Variants in POU6F2 observed in about 807,000 individuals in gnomAD.
POU6F2 encodes POU domain, class 6, transcription factor 2.
In POU6F2, 31 loss-of-function variants were observed where a neutral mutation model predicts 71.3. The ratio of observed to expected loss-of-function variants is 0.43; its 90% CI spans 0.33 to 0.59. The LOEUF (loss-of-function observed/expected upper bound fraction) is 0.59, where lower values mean the gene tolerates loss of function less well. Among genes scored for constraint, POU6F2 ranks in the 20% least tolerant of loss-of-function variants. The probability of loss-of-function intolerance (pLI) is 0.04; values close to 1 mark genes in which losing one functional copy is unlikely to be tolerated. For missense variants in POU6F2, 783 were observed against 856.8 expected, an observed-to-expected ratio of 0.91 and a Z score of 1.07; for synonymous variants, 347 against 355.7, an observed-to-expected ratio of 0.98 and a Z score of 0.27.
chr7:39,126,410 T>G (rs2128728565), intron 2 of POU6F2, among the ~76,000 whole-genome samples: 1 of 152,260 alleles, frequency 6.6e-6, no homozygotes, highest in African/African-American at 2.4e-5. Flanking sequence ...TGTGCCTTGG[T>G]TTGTTCTGGT....
intron 2 of POU6F2, among the ~76,000 whole-genome samples, chr7:39,110,695 T>A (rs1008614011): frequency 1.3e-5 from 2 of 152,210 alleles, no homozygotes; most frequent in Non-Finnish European, 2.9e-5. Context: ...GAAAATACTT[T>A]TACAGTAATC....
At chr7:39,210,907 G>T (rs1049266139) in intron 4 of POU6F2, among the ~76,000 whole-genome samples, 1 of 152,168 alleles carries the variant, frequency 6.6e-6, no homozygotes, top group African/African-American at 2.4e-5. Flanking sequence ...AAAACCATAG[G>T]TAGGGTGGTT....
At chr7:39,377,901 T>C (rs959733993) in intron 5 of POU6F2, among the ~76,000 whole-genome samples, 1 of 152,220 alleles carries the variant, frequency 6.6e-6, no homozygotes, top group Admixed American at 6.5e-5. Flanking sequence ...TAGGTACCTC[T>C]AAGAAGAGCT....
intron 1 of POU6F2, among the ~76,000 whole-genome samples, chr7:39,055,235 A>G (rs1185892478): frequency 2.6e-5 from 4 of 152,176 alleles, no homozygotes; most frequent in African/African-American, 9.6e-5. Flanking sequence ...GACTCTTGAT[A>G]AAGTAATAAA....
chr7:39,116,691 T>C (rs938514268), intron 2 of POU6F2, among the ~76,000 whole-genome samples: 34 of 152,310 alleles, frequency 2.2e-4, no homozygotes, highest in Non-Finnish European at 5.0e-4. Context: ...GGGTGTTTGA[T>C]GTCTTCTAAT....
chr7:39,316,539 A>G (rs527878661), intron 4 of POU6F2, among the ~76,000 whole-genome samples: 25 of 152,114 alleles, frequency 1.6e-4, no homozygotes, highest in Non-Finnish European at 2.8e-4. Flanking sequence ...CACCACCACA[A>G]TGTGGAGTCA....
chr7:39,134,890 A>T (rs1792358685), intron 2 of POU6F2, among the ~76,000 whole-genome samples: 1 of 152,240 alleles, frequency 6.6e-6, no homozygotes, highest in South Asian at 2.1e-4. Context: ...TGGGCAAGAT[A>T]CAGTCAAAGG....
chr7:39,358,715 A>G (rs1786314048), intron 5 of POU6F2, among the ~76,000 whole-genome samples: 1 of 152,178 alleles, frequency 6.6e-6, no homozygotes, highest in African/African-American at 2.4e-5. Flanking sequence ...GAGTAACTGA[A>G]GATGATTGTT....
chr7:39,383,328 G>T (rs1786868711), intron 5 of POU6F2, among the ~76,000 whole-genome samples: 1 of 152,138 alleles, frequency 6.6e-6, no homozygotes, highest in Non-Finnish European at 1.5e-5. Context: ...GATCTGATGT[G>T]ATTCATGCCT....
intron 4 of POU6F2, among the ~76,000 whole-genome samples, chr7:39,277,438 T>G (rs542818394): frequency 2.1e-4 from 32 of 152,250 alleles, no homozygotes; most frequent in African/African-American, 7.0e-4. Context: ...CAGCATCTAT[T>G]GTTCCCATCT....
At chr7:38,993,996 T>A (rs1005525817) in intron 1 of POU6F2, among the ~76,000 whole-genome samples, 1 of 152,204 alleles carries the variant, frequency 6.6e-6, no homozygotes, top group African/African-American at 2.4e-5. Flanking sequence ...TTTGTCCACC[T>A]AGAATTCAAA....
At chr7:39,156,624 AGAT>A (rs1792875567) in intron 2 of POU6F2, among the ~76,000 whole-genome samples, 1 of 152,146 alleles carries the variant, frequency 6.6e-6, no homozygotes, top group African/African-American at 2.4e-5. Context: ...ACTTCCTTCT[AGAT>A]TTTTCGAGTT....
chr7:39,217,172 A>G (rs953961996), intron 4 of POU6F2, among the ~76,000 whole-genome samples: 1 of 152,214 alleles, frequency 6.6e-6, no homozygotes, highest in African/African-American at 2.4e-5. Flanking sequence ...TTCTTTAAAA[A>G]AGCAACTCTC....
intron 2 of POU6F2, among the ~76,000 whole-genome samples, chr7:39,108,539 C>T (rs551412952): frequency 6.6e-6 from 1 of 152,244 alleles, no homozygotes; most frequent in African/African-American, 2.4e-5. Context: ...TGTGCCACAT[C>T]CCCAGAAACT....
intron 2 of POU6F2, among the ~76,000 whole-genome samples, chr7:39,165,194 C>T (rs1375074519): frequency 2.0e-5 from 3 of 152,144 alleles, no homozygotes; most frequent in Non-Finnish European, 4.4e-5. Flanking sequence ...ACTACACTCC[C>T]CCCAGCCCCT....
chr7:39,101,983 T>A (rs1487018633), intron 2 of POU6F2, among the ~76,000 whole-genome samples: 1 of 152,210 alleles, frequency 6.6e-6, no homozygotes, highest in Non-Finnish European at 1.5e-5. Flanking sequence ...TTACACTATC[T>A]TTTGGAAGGA....
intron 5 of POU6F2, among the ~76,000 whole-genome samples, chr7:39,344,417 G>A (rs1785987919): frequency 6.6e-6 from 1 of 152,118 alleles, no homozygotes; most frequent in Non-Finnish European, 1.5e-5. Context: ...TTGCGCAGTG[G>A]GCATTGCCTT....
At chr7:39,245,446 C>T (rs1286860015) in intron 4 of POU6F2, among the ~76,000 whole-genome samples, 2 of 152,178 alleles carry the variant, frequency 1.3e-5, no homozygotes, top group Admixed American at 6.5e-5. Flanking sequence ...TTAGCTGAGC[C>T]ATTGGCCCAA....
At chr7:39,306,461 A>G (rs556167290) in intron 4 of POU6F2, among the ~76,000 whole-genome samples, 18 of 152,304 alleles carry the variant, frequency 1.2e-4, no homozygotes, top group African/African-American at 3.6e-4. Context: ...AGCCAGGGTC[A>G]GATTTAAACA....
Sources: gnomAD v4.1 joint callset for allele counts (sites outside exome capture counted in the v4.1 genomes callset) on GRCh38, gnomAD v4.1.1 for gene constraint, MANE v1.5 for transcripts, NCBI Gene and HGNC (gene_info 2026-07-23, HGNC 2026-07-21) for gene names.